The following PTPRE variants were observed in gnomAD, a reference collection of about 807,000 sequenced individuals.
PTPRE encodes receptor-type tyrosine-protein phosphatase epsilon.
PTPRE carries 51 observed loss-of-function variants against 102.0 expected under a neutral mutation model. That is an observed-to-expected ratio of 0.50 (90% confidence interval 0.40 to 0.63). The LOEUF (loss-of-function observed/expected upper bound fraction) is 0.63. Ranked by LOEUF, PTPRE falls within the 30% of genes least tolerant of loss-of-function variation. The pLI, the probability that PTPRE is intolerant of heterozygous loss-of-function variation, is 0.00. For missense variants in PTPRE, 752 were observed against 915.1 expected, an observed-to-expected ratio of 0.82 and a Z score of 2.30; for synonymous variants, 345 against 348.2, an observed-to-expected ratio of 0.99 and a Z score of 0.10.
chr10:127,951,769 C>A (rs1253853130), intron 1 of PTPRE, among the ~76,000 whole-genome samples: 1 of 152,218 alleles, frequency 6.6e-6, no homozygotes, highest in Non-Finnish European at 1.5e-5. Context: ...GGAGGGACTG[C>A]AGAGATTAGT....
At chr10:127,917,059 C>G (rs1019665333) in intron 1 of PTPRE, among the ~76,000 whole-genome samples, 1 of 151,674 alleles carries the variant, frequency 6.6e-6, no homozygotes, top group African/African-American at 2.4e-5. Flanking sequence ...ATGGAGGTGA[C>G]GGGGGAAACC....
intron 2 of PTPRE, among the ~76,000 whole-genome samples, chr10:128,023,223 A>T (rs1320164625): frequency 6.6e-6 from 1 of 152,094 alleles, no homozygotes; most frequent in Non-Finnish European, 1.5e-5. Context: ...AATAAACTTT[A>T]TGTAGGTATA....
rs1268001622 is a variant in PTPRE, at chr10:127,946,536, G to T, written c.-30-35738G>T. On this transcript the variant is annotated intron_variant, in intron 1 of 20. Transcript: ENST00000254667. The stretch of plus-strand genomic sequence containing the variant: ...CCCTGGGAGATATTCATCAGACCTC[G>T]CAGGCTGGCAGGGAGGGATTTCCAC... Among the ~76,000 whole-genome samples the T allele has an allele frequency of 2.7e-5, 3 of 113,092 alleles. 1 individual carries two copies. The highest frequency in any genetic ancestry group is 2.0e-5 in the Non-Finnish European group (1 of 50,072). The allele number at this position is 113,092 out of a possible 152,430, so 74.2% of individuals were successfully genotyped here. A position where few individuals can be genotyped will look rare whatever the true frequency, so the allele number is the denominator to read the frequency against.
At chr10:128,042,600 T>C (rs1290296726) in intron 3 of PTPRE, among the ~76,000 whole-genome samples, 1 of 152,156 alleles carries the variant, frequency 6.6e-6, no homozygotes, top group African/African-American at 2.4e-5. Flanking sequence ...TCGTTTGACC[T>C]AGAATTGTGG....
intron 1 of PTPRE, among the ~76,000 whole-genome samples, chr10:127,955,821 A>C (rs1219370773): frequency 6.6e-6 from 1 of 152,184 alleles, no homozygotes; most frequent in Non-Finnish European, 1.5e-5. Flanking sequence ...ACTTACAATC[A>C]TGGAGGAAGA....
intron 2 of PTPRE, among the ~76,000 whole-genome samples, chr10:128,014,149 C>T (rs1486688189): frequency 1.3e-5 from 2 of 152,160 alleles, no homozygotes. Context: ...CCTAACAAGT[C>T]TGATGAGGAC....
rs565260832 is a variant in PTPRE, at chr10:127,909,791, G to A, written c.-31+2482G>A. On this transcript the variant is annotated intron_variant, in intron 1 of 20. Transcript: ENST00000254667. The stretch of plus-strand genomic sequence containing the variant: ...CTTGGAAGTGAGACCTTCCCGAAGC[G>A]CATGTGCTGATGGAGCAAGTGTGTG... Among the ~76,000 whole-genome samples the A allele has an allele frequency of 8.8e-4, 134 of 152,332 alleles. 2 individuals are homozygous for A. The highest frequency in any genetic ancestry group is 3.3e-4 in the Admixed American group (5 of 15,306).
At chr10:127,987,413 G>A in intron 2 of PTPRE, 1 of 1,184,128 alleles carries the variant, frequency 8.4e-7, no homozygotes, top group Non-Finnish European at 1.1e-6. Flanking sequence ...GGAGCTCAGA[G>A]GGGTCTTTCT....
At chr10:127,982,747 G>T (rs1314378937) in intron 2 of PTPRE, among the ~76,000 whole-genome samples, 1 of 152,114 alleles carries the variant, frequency 6.6e-6, no homozygotes, top group Non-Finnish European at 1.5e-5. Context: ...CTGAAAAGGA[G>T]CTTCTCCGGA....
chr10:128,010,778 A>G (rs897726881), intron 2 of PTPRE, among the ~76,000 whole-genome samples: 3 of 152,006 alleles, frequency 2.0e-5, no homozygotes, highest in African/African-American at 7.2e-5. Flanking sequence ...TTTTTAGTCG[A>G]GATGGGGTTT....
intron 8 of PTPRE, 25 bp from the exon 9 acceptor site, chr10:128,061,654 A>G (rs758764998): frequency 1.3e-6 from 2 of 1,578,318 alleles, no homozygotes; most frequent in South Asian, 2.3e-5. Flanking sequence ...CTGAAAAAAT[A>G]TAAATCTGAT....
chr10:127,997,997 G>A (rs915841773), intron 2 of PTPRE: 4 of 152,242 alleles, frequency 2.6e-5, no homozygotes, highest in African/African-American at 9.6e-5. Context: ...CCAGTACCAT[G>A]TGAAACACAG....
chr10:127,948,501 A>T (rs902038492), intron 1 of PTPRE, among the ~76,000 whole-genome samples: 1 of 152,114 alleles, frequency 6.6e-6, no homozygotes, highest in Non-Finnish European at 1.5e-5. Context: ...ATCCTCTGTG[A>T]TCCATCCATT....
chr10:128,077,486 G>A (rs1045550743), intron 18 of PTPRE, 131 bp from the exon 19 acceptor site: 19 of 1,176,110 alleles, frequency 1.6e-5, no homozygotes, highest in African/African-American at 1.4e-4. Context: ...AGGCTGCCTC[G>A]GTGGGGATGT....
intron 1 of PTPRE, among the ~76,000 whole-genome samples, chr10:127,932,530 A>G (rs1342386397): frequency 2.0e-5 from 3 of 152,220 alleles, no homozygotes; most frequent in Non-Finnish European, 4.4e-5. Flanking sequence ...CCTTTTGCGC[A>G]TGGCACGCAG....
At chr10:128,061,790 A>G (rs185164437) in intron 9 of PTPRE, 75 bp downstream of exon 9, 46 of 1,510,160 alleles carry the variant, frequency 3.0e-5, no homozygotes, top group Admixed American at 2.9e-4. Flanking sequence ...GTATGCCAAC[A>G]AGACCAAGGA....
At chr10:128,017,776 TCACTC>T (rs558083122) in intron 2 of PTPRE, among the ~76,000 whole-genome samples, 196 of 152,300 alleles carry the variant, frequency 1.3e-3, no homozygotes, top group African/African-American at 4.6e-3. Flanking sequence ...GCAGAGGCTT[TCACTC>T]TGAAAGCTGC....
chr10:128,056,418 C>T (rs1281282726), intron 7 of PTPRE, among the ~76,000 whole-genome samples: 2 of 152,166 alleles, frequency 1.3e-5, no homozygotes, highest in South Asian at 2.1e-4. Flanking sequence ...CTTGGTTGCT[C>T]GTGGGTCTGG....
chr10:127,917,659 T>C (rs36008167), intron 1 of PTPRE, among the ~76,000 whole-genome samples: 10,494 of 152,126 alleles, frequency 0.069, 423 homozygotes, highest in Non-Finnish European at 0.086. Flanking sequence ...AGCGAGAACC[T>C]GTCTCAAAAA....
Sources: gnomAD v4.1 joint callset for allele counts (sites outside exome capture counted in the v4.1 genomes callset) on GRCh38, gnomAD v4.1.1 for gene constraint, MANE v1.5 for transcripts, NCBI Gene and HGNC (gene_info 2026-07-23, HGNC 2026-07-21) for gene names.